The following TCEAL4 variants were observed in gnomAD, a reference collection of about 807,000 sequenced individuals.
The protein encoded by TCEAL4 is transcription elongation factor A like 4.
In TCEAL4, 1 loss-of-function variant was observed where a neutral mutation model predicts 1.3. That is an observed-to-expected ratio of 0.79 (90% confidence interval 0.28 to 3.76). The LOEUF is 3.76. Ranked by LOEUF, TCEAL4 falls within the 30% of genes most tolerant of loss-of-function variation. The pLI, the probability that TCEAL4 is intolerant of heterozygous loss-of-function variation, is 0.18. For synonymous variants in TCEAL4, 54 were observed against 50.7 expected, an observed-to-expected ratio of 1.06 and a Z score of -0.28; for missense variants, 129 against 154.7, an observed-to-expected ratio of 0.83 and a Z score of 0.88.
chrX:103,585,444 G>A, upstream of TCEAL4: 1 of 1,077,273 alleles, frequency 9.3e-7, no homozygotes, highest in South Asian at 2.5e-5. Flanking sequence ...GTGGTGGGTG[G>A]CTGGAAGCGG....
At chrX:103,585,471 G>A, upstream of TCEAL4, 1 of 1,092,925 alleles carries the variant, frequency 9.1e-7, no homozygotes, top group Non-Finnish European at 1.2e-6. Flanking sequence ...AGGAGGCGGG[G>A]CGTGGGGCGG....
rs776391685 is a variant in TCEAL4 at position 103,587,317 on chromosome X, T to C, written c.642T>C (p.Tyr214=). The change falls in exon 3 of 3, where the codon TAT becomes TAC. Residue 214 remains tyrosine (Y), a synonymous_variant. Coordinates refer to ENST00000472484, the MANE Select transcript of TCEAL4 (RefSeq NM_001006935.3). ...GAAGGGACATTGAAGACATTCCTTA[T>C]GTGTAGTGTCCCTGGCAGGCATTTA... ...APRRDIEDIP[Y]V is the part of the protein sequence containing the mutation. 8.5e-7 allele frequency: 1 copy of C among 1,170,880 alleles called. No homozygotes were observed. Among genetic ancestry groups the C allele is most frequent in the Non-Finnish European group, 1.1e-6 (1 of 878,778 alleles).
At chrX:103,578,043 T>C (rs906878530) in intron 2 of TCEAL4, among the ~76,000 whole-genome samples, 4 of 111,964 alleles carry the variant, frequency 3.6e-5, no homozygotes, top group Non-Finnish European at 1.9e-5. Context: ...TTACCTTCTG[T>C]CTCTATGGAT....
chrX:103,581,572 G>T (rs1331981689), upstream of TCEAL4, among the ~76,000 whole-genome samples: 1 of 111,141 alleles, frequency 9.0e-6, no homozygotes, highest in South Asian at 3.9e-4. Context: ...TCCCCGAGAT[G>T]CAAGGTTGGT....
At chrX:103,576,961 T>C (rs1000402403) in intron 1 of TCEAL4, 3 of 802,068 alleles carry the variant, frequency 3.7e-6, no homozygotes, top group Non-Finnish European at 5.2e-6. Context: ...GGAAGAATTG[T>C]TACATGGCAG....
chrX:103,578,592 A>G (rs1010042794), intron 2 of TCEAL4, among the ~76,000 whole-genome samples: 40 of 111,961 alleles, frequency 3.6e-4, no homozygotes, highest in African/African-American at 1.3e-3. Flanking sequence ...CCTGATGGCT[A>G]ATGATGTTGG....
At chrX:103,581,923 G>C (rs899222294), upstream of TCEAL4, among the ~76,000 whole-genome samples, 1 of 111,168 alleles carries the variant, frequency 9.0e-6, no homozygotes, top group Admixed American at 9.6e-5. Flanking sequence ...AGAAATAAAG[G>C]GTATTCTAAT....
exon 1 of TCEAL4, chrX:103,576,466 CA>C: frequency 8.6e-7 from 1 of 1,166,272 alleles, no homozygotes; most frequent in Non-Finnish European, 1.1e-6. Context: ...ATGCTGAGGT[CA>C]AGATGCCAGC....
intron 2 of TCEAL4, 89 bp downstream of exon 2, chrX:103,586,380 C>A: frequency 1.9e-6 from 2 of 1,047,338 alleles, no homozygotes; most frequent in Non-Finnish European, 2.6e-6. Context: ...GGGCCTTTCC[C>A]ATTCCCCCAC....
chrX:103,585,537 C>T lies in TCEAL4; in HGVS notation c.-188C>T, dbSNP rs1046912556. 12 of 1,152,801 alleles carry T rather than the reference C, an allele frequency of 1.0e-5. No individual in the cohort carries two copies. Among genetic ancestry groups the T allele is most frequent in the African/African-American group, 1.8e-5 (1 of 55,099 alleles). The stretch of plus-strand genomic sequence containing the variant: ...TCTGCACGGGCGCAGATGTAGGCAC[C>T]GGTCCGAGTGCCTGCCCTCTGTCCC... On this transcript the variant is annotated 5_prime_UTR_variant, in exon 1 of 3. Coordinates refer to ENST00000472484, the MANE Select transcript of TCEAL4 (RefSeq NM_001006935.3).
Position 103,586,805 on chromosome X carries a change from G to T in TCEAL4, c.130G>T (p.Glu44Ter), listed in dbSNP as rs1344077762. The T allele has an allele frequency of 8.3e-7, 1 of 1,208,247 alleles. No individual in the cohort carries two copies. The highest frequency in any genetic ancestry group is 1.8e-5 in the African/African-American group (1 of 57,133). ...CTLEDKKLEN[E>*]GKTENKGKTG... ...TCTGGAAGACAAGAAGTTAGAAAAC[G>T]AGGGAAAGACAGAAAACAAGGGCAA... The change falls in exon 3 of 3, where the codon GAG becomes TAG. Residue 44 changes from glutamate (E) to a stop codon, truncating the protein, a stop_gained. Coordinates refer to ENST00000472484, the MANE Select transcript of TCEAL4 (RefSeq NM_001006935.3). LOFTEE classifies it low-confidence loss of function (END_TRUNC).
chrX:103,586,337 G>T (rs1463553461), intron 2 of TCEAL4, 46 bp downstream of exon 2: 2 of 1,153,677 alleles, frequency 1.7e-6, no homozygotes, highest in East Asian at 3.3e-5. Context: ...CACAAGGGTT[G>T]AGAGTGTGGA....
intron 1 of TCEAL4, chrX:103,577,033 C>T: frequency 8.9e-7 from 1 of 1,127,392 alleles, no homozygotes; most frequent in Non-Finnish European, 1.2e-6. Flanking sequence ...GTGTTTTGAC[C>T]TAACCTCAAA....
upstream of TCEAL4, among the ~76,000 whole-genome samples, chrX:103,583,512 C>T (rs1359110282): frequency 8.9e-6 from 1 of 112,400 alleles, no homozygotes; most frequent in African/African-American, 3.2e-5. Flanking sequence ...TACATATACA[C>T]CATGGAATAC....
intron 2 of TCEAL4, 134 bp from the exon 3 acceptor site, chrX:103,586,515 G>T: frequency 1.1e-6 from 1 of 897,084 alleles, no homozygotes; most frequent in Non-Finnish European, 1.5e-6. Flanking sequence ...AGGCCCTCTT[G>T]GAGGCCTGGC....
At chrX:103,584,079 C>G (rs908035825), upstream of TCEAL4, among the ~76,000 whole-genome samples, 5 of 110,057 alleles carry the variant, frequency 4.5e-5, no homozygotes, top group Admixed American at 4.8e-4. Context: ...AGGCGCCCAC[C>G]ACCACGCCCA....
upstream of TCEAL4, among the ~76,000 whole-genome samples, chrX:103,580,940 A>G (rs963699853): frequency 9.0e-6 from 1 of 111,419 alleles, no homozygotes; most frequent in African/African-American, 3.3e-5. Context: ...CAAAAAATCA[A>G]TGAATCCAGG....
chrX:103,579,575 C>A (rs1268541140), intron 2 of TCEAL4, among the ~76,000 whole-genome samples: 2 of 111,986 alleles, frequency 1.8e-5, no homozygotes, highest in Non-Finnish European at 3.8e-5. Context: ...TTGAATAGTT[C>A]ATTGCTAGCA....
Position 103,586,755 on chromosome X carries a change from A to G in TCEAL4, c.80A>G (p.Glu27Gly). 8.3e-7 allele frequency: 1 copy of G among 1,212,002 alleles called. No individual in the cohort carries two copies. Among genetic ancestry groups the G allele is most frequent in the Admixed American group, 2.2e-5 (1 of 46,047 alleles). The part of the protein sequence containing the change: ...KMENEEQPQD[E>G]RKPEVTCTLE... ...GAAAATGAAGAACAGCCACAAGACGAGAGAAAGCCAGAAGTAACTTGTACT... is the reference window on the plus strand; with the variant it reads ...GAAAATGAAGAACAGCCACAAGACGGGAGAAAGCCAGAAGTAACTTGTACT... Residue 27 changes from glutamate (E) to glycine (G), a missense_variant, in exon 3 of 3, where the codon GAG becomes GGG. Physicochemically the swap from Glu to Gly is moderately conservative, Grantham distance 98. This residue lies in a region of TCEAL4 where 116 missense variants were observed against 120.3 expected (regional missense o/e 0.96). Transcript: ENST00000472484.
Sources: gnomAD v4.1 joint callset for allele counts (sites outside exome capture counted in the v4.1 genomes callset) on GRCh38, gnomAD v4.1.1 for gene constraint, gnomAD v4.1.1 regional missense constraint, MANE v1.5 for transcripts, NCBI Gene and HGNC (gene_info 2026-07-23, HGNC 2026-07-21) for gene names.